The following ZNF532 variants were observed in gnomAD, a reference collection of about 807,000 sequenced individuals.
ZNF532 encodes zinc finger protein 532.
ZNF532 carries 22 observed loss-of-function variants against 89.3 expected under a neutral mutation model. That is an observed-to-expected ratio of 0.25 (90% CI 0.18 to 0.35). ZNF532 has a LOEUF of 0.35. ZNF532 is among the 10% of genes least tolerant of loss of function. The pLI, the probability that ZNF532 is intolerant of heterozygous loss-of-function variation, is 1.00. For synonymous variants in ZNF532, 606 were observed against 649.6 expected, an observed-to-expected ratio of 0.93 and a Z score of 1.02; for missense variants, 1,132 against 1,643.4, an observed-to-expected ratio of 0.69 and a Z score of 5.38.
Position 58,936,224 on chromosome 18 carries a change from G to A in ZNF532, c.2528+1610G>A, listed in dbSNP as rs1022405325. 2.0e-5 allele frequency among the ~76,000 whole-genome samples: 3 copies of A among 152,320 alleles called. No individual in the cohort carries two copies. In the South Asian group the frequency reaches 6.2e-4, roughly 32 times the overall value. On this transcript the variant is annotated intron_variant, in intron 4 of 9. Transcript: ENST00000591808. ...CCTCCAGCTCCACTGGGATGTTACT[G>A]AGCAAAACAGGATAATCAAAGGTGC...
chr18:58,914,027 T>A (rs1052884223), intron 2 of ZNF532, among the ~76,000 whole-genome samples: 1 of 152,220 alleles, frequency 6.6e-6, no homozygotes, highest in Non-Finnish European at 1.5e-5. Flanking sequence ...AAACCAACAA[T>A]TTTTTTATTG....
rs149717750 is a variant in ZNF532, at chr18:58,899,014, G to A, written c.-17-19257G>A. Among the ~76,000 whole-genome samples the A allele has an allele frequency of 5.2e-5, 8 of 152,382 alleles. No homozygotes were observed. The East Asian group carries it at 1.5e-3, about 29-fold the overall frequency. On this transcript the variant is annotated intron_variant, in intron 2 of 9. Transcript: ENST00000591808. ...ATGGGTTGTCTACCACGCAGGCCGG[G>A]GCAGAGCCCCCTTTGTCTGGAAGCA...
At chr18:58,959,190 A>C (rs1216680515) in intron 7 of ZNF532, among the ~76,000 whole-genome samples, 1 of 151,310 alleles carries the variant, frequency 6.6e-6, no homozygotes, top group Non-Finnish European at 1.5e-5. Context: ...AAGCAGAGGC[A>C]TATGTGCTGA....
At chr18:58,962,894 C>T (rs984349097) in intron 7 of ZNF532, among the ~76,000 whole-genome samples, 1 of 151,838 alleles carries the variant, frequency 6.6e-6, no homozygotes. Flanking sequence ...AGCCACCGCA[C>T]CCAGCCGGCC....
rs71336307 is a variant in ZNF532 at position 58,939,246 on chromosome 18, C to CAAAAAAAAAAAAAAAAAAAA, written c.2529-189_2529-170dup. Among the ~76,000 whole-genome samples, 17 of 34,506 alleles carry CAAAAAAAAAAAAAAAAAAAA rather than the reference C, an allele frequency of 4.9e-4. 1 individual carries two copies. Among genetic ancestry groups the CAAAAAAAAAAAAAAAAAAAA allele is most frequent in the Admixed American group, 1.1e-3 (3 of 2,688 alleles). 22.6% of individuals were successfully genotyped at this position (34,506 alleles called of 152,430 possible). A position where few individuals can be genotyped will look rare whatever the true frequency, so the allele number is the denominator to read the frequency against. ...TGGGCGACAGAGCGAGACGTTGTCT[C>CAAAAAAAAAAAAAAAAAAAA]AAAAAAAAAAAAAAAAAAAAAAAAA... On this transcript the variant is annotated intron_variant, in intron 4 of 9. Coordinates refer to ENST00000591808, the MANE Select transcript of ZNF532 (RefSeq NM_001375912.1).
intron 2 of ZNF532, among the ~76,000 whole-genome samples, chr18:58,868,981 T>C (rs1195181983): frequency 1.3e-5 from 2 of 152,240 alleles, no homozygotes; most frequent in Non-Finnish European, 2.9e-5. Context: ...TACAGCATCT[T>C]ACTGTACTGC....
In ZNF532 at chr18:58,967,045, G is replaced by A. The variant is rs1257690547; in HGVS notation, c.3151-12010G>A. ...ATATTAAGTATAAAAACCCCACATC[G>A]AAGGATGTGCAATGAAATTATTAAA... On this transcript the variant is annotated intron_variant, in intron 7 of 9. Coordinates refer to ENST00000591808, the MANE Select transcript of ZNF532 (RefSeq NM_001375912.1). Among the ~76,000 whole-genome samples the A allele has an allele frequency of 3.3e-5, 5 of 152,142 alleles. No individual in the cohort carries two copies. The East Asian group carries it at 7.7e-4, about 23-fold the overall frequency.
chr18:58,980,425 A>C (rs1276643664), intron 8 of ZNF532: 1 of 152,192 alleles, frequency 6.6e-6, no homozygotes, highest in Non-Finnish European at 1.5e-5. Flanking sequence ...ATTCATCCTC[A>C]TGGAGAGCCC....
intron 5 of ZNF532, among the ~76,000 whole-genome samples, chr18:58,942,223 C>T (rs556431770): frequency 1.4e-3 from 218 of 151,240 alleles, no homozygotes; most frequent in Middle Eastern, 6.8e-3. Flanking sequence ...GGGGTTTCAC[C>T]GTGTTAGCCA....
At chr18:58,937,334 C>G (rs976052972) in intron 4 of ZNF532, among the ~76,000 whole-genome samples, 1 of 152,130 alleles carries the variant, frequency 6.6e-6, no homozygotes, top group African/African-American at 2.4e-5. Flanking sequence ...CCCTGAAATG[C>G]CTCTTCTTCC....
intron 2 of ZNF532, among the ~76,000 whole-genome samples, chr18:58,901,430 G>A (rs2059593536): frequency 6.6e-6 from 1 of 152,164 alleles, no homozygotes; most frequent in Non-Finnish European, 1.5e-5. Context: ...CAGAGGAGTC[G>A]CCTTGGGGAG....
chr18:58,909,231 G>A (rs1404316192), intron 2 of ZNF532, among the ~76,000 whole-genome samples: 3 of 152,144 alleles, frequency 2.0e-5, no homozygotes, highest in Non-Finnish European at 2.9e-5. Flanking sequence ...GGGATTATAG[G>A]CGTGAGCCAC....
rs919889380 is a variant in ZNF532 at position 58,953,793 on chromosome 18, C to T, written c.3144C>T (p.His1048=). The T allele has an allele frequency of 6.8e-6, 11 of 1,611,622 alleles. No homozygotes were observed. The highest frequency in any genetic ancestry group is 2.2e-5 in the East Asian group (1 of 44,868). ...ACATATCCCACGTGAGGAAGGAGCA[C>T]GGGAAGGTCAGTAAAGAATGAAAGC... ...DVYISHVRKE[H]GKQMKKHPCR... Residue 1048 remains histidine, a synonymous_variant, in exon 7 of 10, where the codon CAC becomes CAT. Coordinates refer to ENST00000591808, the MANE Select transcript of ZNF532 (RefSeq NM_001375912.1).
chr18:58,936,184 T>TTGG (rs1487047450), intron 4 of ZNF532, among the ~76,000 whole-genome samples: 1 of 152,224 alleles, frequency 6.6e-6, no homozygotes, highest in African/African-American at 2.4e-5. Context: ...GTCAGTAAAA[T>TTGG]TGGTGCATTG....
At position 58,864,989 on chromosome 18, in the gene ZNF532, AC is replaced by A. The variant is rs1364993721; in HGVS notation, c.-523del. 6.6e-6 allele frequency: 1 copy of A among 152,180 alleles called. No homozygotes were observed. Among genetic ancestry groups the A allele is most frequent in the East Asian group, 1.9e-4 (1 of 5,202 alleles). The allele number at this position is 152,180 out of a possible 1,614,324, so 9.4% of individuals were successfully genotyped here. ...CACTTAGACACCACACAGCACTGGT[AC>A]GTGACTAATGGAGCCCTAAAAGATT... On this transcript the variant is annotated 5_prime_UTR_variant, in exon 1 of 10. Coordinates refer to ENST00000591808, the MANE Select transcript of ZNF532 (RefSeq NM_001375912.1).
intron 8 of ZNF532, chr18:58,980,643 CTTTT>C (rs777679741): frequency 2.0e-5 from 3 of 151,902 alleles, no homozygotes; most frequent in South Asian, 2.1e-4. Context: ...GCCATTACCT[CTTTT>C]TTTTCTTTTT....
intron 3 of ZNF532, among the ~76,000 whole-genome samples, chr18:58,922,776 C>T (rs1473687457): frequency 1.3e-5 from 2 of 152,284 alleles, no homozygotes; most frequent in African/African-American, 4.8e-5. Flanking sequence ...TCACTATGAG[C>T]TGTGTGCTCT....
chr18:58,888,728 T>TA (rs1491534948), intron 2 of ZNF532, among the ~76,000 whole-genome samples: 19 of 5,004 alleles, frequency 3.8e-3, no homozygotes, highest in African/African-American at 0.019. Context: ...TATATATAAA[T>TA]TATATATATA....
rs146238773 is a variant in ZNF532, at chr18:58,918,713, G to A, written c.426G>A (p.Glu142=). 4.5e-3 allele frequency: 7,192 copies of A among 1,614,174 alleles called. 28 individuals are homozygous for A. The highest frequency in any genetic ancestry group is 6.3e-3 in the Middle Eastern group (38 of 6,062). The change falls in exon 3 of 10, where the codon GAG becomes GAA. Residue 142 remains glutamate, a synonymous_variant. Transcript: ENST00000591808. ...ISSAEEFDDD[E]KIEVDDPPDK... ...GTGCTGAAGAGTTTGATGACGACGA[G>A]AAGATTGAGGTGGATGACCCCCCTG...
Sources: gnomAD v4.1 joint callset for allele counts (sites outside exome capture counted in the v4.1 genomes callset) on GRCh38, gnomAD v4.1.1 for gene constraint, MANE v1.5 for transcripts, NCBI Gene and HGNC (gene_info 2026-07-23, HGNC 2026-07-21) for gene names.